Variants in DMRT1 observed in about 807,000 individuals in gnomAD.
DMRT1 encodes doublesex- and mab-3-related transcription factor 1.
In DMRT1, 7 loss-of-function variants were observed where a neutral mutation model predicts 32.3. The ratio of observed to expected loss-of-function variants is 0.22; its 90% CI spans 0.12 to 0.41. The LOEUF (loss-of-function observed/expected upper bound fraction) is 0.41, where lower values mean the gene tolerates loss of function less well. DMRT1 is among the 10% of genes least tolerant of loss of function. The pLI, the probability that DMRT1 is intolerant of heterozygous loss-of-function variation, is 1.00. For missense variants in DMRT1, 625 were observed against 500.5 expected (o/e 1.25, Z -2.37); for synonymous variants, 278 against 206.1 (o/e 1.35, Z -2.99).
chr9:854,755 C>T (rs1209824535), intron 2 of DMRT1, among the ~76,000 whole-genome samples: 5 of 141,634 alleles, frequency 3.5e-5, no homozygotes, highest in African/African-American at 1.1e-4. Flanking sequence ...TTCAGAGTTT[C>T]TAGCAAAACA....
At chr9:964,430 A>G (rs1223823184) in intron 4 of DMRT1, among the ~76,000 whole-genome samples, 1 of 152,142 alleles carries the variant, frequency 6.6e-6, no homozygotes, top group Non-Finnish European at 1.5e-5. Flanking sequence ...GCTGGTTCAA[A>G]CAAGGGTCAG....
chr9:845,343 G>A (rs146657791), intron 1 of DMRT1, among the ~76,000 whole-genome samples: 2,181 of 152,000 alleles, frequency 0.014, 51 homozygotes, highest in African/African-American at 0.051. Flanking sequence ...GAGTACCTGG[G>A]ATTACAGGCG....
intron 2 of DMRT1, among the ~76,000 whole-genome samples, chr9:892,294 C>T (rs1817182861): frequency 1.3e-5 from 2 of 152,242 alleles, no homozygotes; most frequent in South Asian, 4.1e-4. Flanking sequence ...GTAACAGCTC[C>T]TCCCTTCCTT....
At chr9:937,851 A>G (rs1472074196) in intron 4 of DMRT1, among the ~76,000 whole-genome samples, 1 of 150,430 alleles carries the variant, frequency 6.6e-6, no homozygotes, top group Admixed American at 6.6e-5. Context: ...TTTTATTTTG[A>G]TAAAGTCCAA....
intron 4 of DMRT1, among the ~76,000 whole-genome samples, chr9:947,917 A>C (rs1819300739): frequency 6.6e-6 from 1 of 152,200 alleles, no homozygotes; most frequent in Admixed American, 6.5e-5. Flanking sequence ...ATTTCTCCCA[A>C]CAGTGGGCCT....
chr9:861,888 CTT>C (rs1378396032), intron 2 of DMRT1, among the ~76,000 whole-genome samples: 1 of 150,070 alleles, frequency 6.7e-6, no homozygotes, highest in African/African-American at 2.5e-5. Context: ...CAGAGGCACT[CTT>C]CACATCCCAG....
At chr9:857,683 A>T (rs7865792) in intron 2 of DMRT1, among the ~76,000 whole-genome samples, 115,551 of 151,046 alleles carry the variant, frequency 0.77, 44,806 homozygotes, top group Middle Eastern at 0.82. Context: ...CGTGCAGGTT[A>T]GTTACATATG....
rs1819916831 is a variant in DMRT1, at chr9:965,946, A to G, written c.968-2039A>G. Among the ~76,000 whole-genome samples the G allele has an allele frequency of 6.6e-6, 1 of 152,188 alleles. No individual in the cohort carries two copies. The highest frequency in any genetic ancestry group is 1.5e-5 in the Non-Finnish European group (1 of 68,034). ...TCACTAAAGTATGTGTGTGGCATAC[A>G]GGTAGTAGTCAGTAATGTTTACTGT... On this transcript the variant is annotated intron_variant, in intron 4 of 4. Transcript: ENST00000382276. The surrounding 1 kb of genome is among the most constrained non-coding windows in gnomAD (Gnocchi z 4.5).
chr9:946,003 T>A (rs1819232454), intron 4 of DMRT1, among the ~76,000 whole-genome samples: 1 of 152,190 alleles, frequency 6.6e-6, no homozygotes, highest in African/African-American at 2.4e-5. Flanking sequence ...GTCTTAGAGA[T>A]CTTACATGTT....
At chr9:857,822 T>C (rs1222309606) in intron 2 of DMRT1, among the ~76,000 whole-genome samples, 1 of 129,284 alleles carries the variant, frequency 7.7e-6, no homozygotes, top group African/African-American at 3.0e-5. Context: ...TTCCCCTTCC[T>C]GTGTCCATGT....
At chr9:890,698 C>T (rs1817110829) in intron 2 of DMRT1, among the ~76,000 whole-genome samples, 1 of 151,950 alleles carries the variant, frequency 6.6e-6, no homozygotes, top group Non-Finnish European at 1.5e-5. Flanking sequence ...GACACTTAAA[C>T]CTCTATTTAT....
At chr9:936,910 A>G (rs758773036) in intron 4 of DMRT1, among the ~76,000 whole-genome samples, 4 of 152,186 alleles carry the variant, frequency 2.6e-5, no homozygotes, top group Non-Finnish European at 4.4e-5. Flanking sequence ...TGCATTCACA[A>G]TCTTGTATAA....
intron 3 of DMRT1, among the ~76,000 whole-genome samples, chr9:911,202 G>C (rs544621034): frequency 8.7e-4 from 132 of 152,230 alleles, no homozygotes; most frequent in African/African-American, 2.9e-3. Context: ...CCCTGACCTT[G>C]ACCACTAGAT....
At chr9:855,100 A>AGT (rs974656364) in intron 2 of DMRT1, among the ~76,000 whole-genome samples, 1 of 151,844 alleles carries the variant, frequency 6.6e-6, no homozygotes, top group African/African-American at 2.4e-5. Context: ...TATTTTAGAT[A>AGT]GTGTCTCAAT....
intron 4 of DMRT1, among the ~76,000 whole-genome samples, chr9:925,462 C>A (rs1818490712): frequency 6.6e-6 from 1 of 151,838 alleles, no homozygotes; most frequent in Non-Finnish European, 1.5e-5. Context: ...CGCAGCCCTG[C>A]CGGAGGGTCA....
At chr9:914,836 T>C (rs116765345) in intron 3 of DMRT1, among the ~76,000 whole-genome samples, 2,391 of 152,210 alleles carry the variant, frequency 0.016, 65 homozygotes, top group African/African-American at 0.054. Context: ...CTTGAGCTGC[T>C]CAAAGCATCA....
At chr9:906,361 C>G (rs1323151848) in intron 3 of DMRT1, among the ~76,000 whole-genome samples, 2 of 152,234 alleles carry the variant, frequency 1.3e-5, no homozygotes, top group Non-Finnish European at 2.9e-5. Flanking sequence ...ACCCTTCACA[C>G]TGCTGATTTA....
At chr9:901,744 A>G (rs922450401) in intron 3 of DMRT1, among the ~76,000 whole-genome samples, 1 of 151,764 alleles carries the variant, frequency 6.6e-6, no homozygotes, top group Non-Finnish European at 1.5e-5. Flanking sequence ...ACTCCTGGGA[A>G]GTTCTGGATG....
intron 3 of DMRT1, among the ~76,000 whole-genome samples, chr9:901,413 G>C (rs1006786408): frequency 2.6e-5 from 4 of 151,550 alleles, no homozygotes; most frequent in African/African-American, 9.7e-5. Flanking sequence ...TGCAACCTCT[G>C]CCTCCCGGGT....
Sources: gnomAD v4.1 joint callset for allele counts (sites outside exome capture counted in the v4.1 genomes callset) on GRCh38, gnomAD v4.1.1 for gene constraint, Gnocchi (gnomAD v3.1) non-coding constraint, MANE v1.5 for transcripts, NCBI Gene and HGNC (gene_info 2026-07-23, HGNC 2026-07-21) for gene names.